EPS15L1: variants seen among roughly 807,000 people sequenced by gnomAD.
EPS15L1 encodes the protein epidermal growth factor receptor substrate 15-like 1.
Under a neutral mutation model 117.1 loss-of-function variants are expected in EPS15L1, and 43 were observed. The ratio of observed to expected loss-of-function variants is 0.37; its 90% confidence interval spans 0.29 to 0.47. EPS15L1 has a LOEUF of 0.47. EPS15L1 is among the 20% of genes least tolerant of loss of function. The probability of loss-of-function intolerance (pLI) is 0.99; values close to 1 mark genes in which losing one functional copy is unlikely to be tolerated. For missense variants in EPS15L1, 981 were observed against 1,164.0 expected (o/e 0.84, Z 2.29); for synonymous variants, 459 against 470.5 (o/e 0.98, Z 0.32).
chr19:16,418,308 G>A (rs1362974195), intron 10 of EPS15L1, among the ~76,000 whole-genome samples: 5 of 152,134 alleles, frequency 3.3e-5, no homozygotes, highest in Non-Finnish European at 7.4e-5. Flanking sequence ...CCCCACCCTA[G>A]GAGGGCTGTC....
At chr19:16,419,772 C>T (rs750565169) in intron 10 of EPS15L1, among the ~76,000 whole-genome samples, 4 of 152,226 alleles carry the variant, frequency 2.6e-5, no homozygotes, top group African/African-American at 2.4e-5. Flanking sequence ...CCCCACAGTT[C>T]GAGGCCCTGA....
At chr19:16,425,415 A>G in intron 8 of EPS15L1, 99 bp from the exon 9 acceptor site, 1 of 802,642 alleles carries the variant, frequency 1.2e-6, no homozygotes, top group Non-Finnish European at 2.1e-6. Context: ...CAGTGACAGG[A>G]CACTCTGTCA....
chr19:16,413,305 T>C (rs910074253), intron 13 of EPS15L1: 9 of 669,428 alleles, frequency 1.3e-5, no homozygotes, highest in Admixed American at 4.2e-5. Flanking sequence ...GGCACTGGCA[T>C]TGTCTCAGCA....
chr19:16,444,019 G>A (rs1424227779), intron 1 of EPS15L1, among the ~76,000 whole-genome samples: 4 of 144,870 alleles, frequency 2.8e-5, no homozygotes, highest in South Asian at 2.2e-4. Context: ...AGCCGAGATC[G>A]CGCCACTGCA....
Position 16,401,671 on chromosome 19 carries a change from A to G in EPS15L1, c.1791+650T>C, listed in dbSNP as rs73931911. The G allele has an allele frequency of 7.5e-3, 7,342 of 985,430 alleles. 428 individuals are homozygous for G. The African/African-American group carries it at 0.12, about 16-fold the overall frequency. 61.0% of individuals were successfully genotyped at this position (985,430 alleles called of 1,614,324 possible). A position where few individuals can be genotyped will look rare whatever the true frequency, so the allele number is the denominator to read the frequency against. On this transcript the variant is annotated intron_variant, in intron 16 of 23. Coordinates refer to ENST00000455140, the MANE Select transcript of EPS15L1 (RefSeq NM_001258374.3). ...AGGAAAAGGTCACACCTGTCTTGGT[A>G]TCAGGGGCTCAAGAGCTCTCAAAAA...
Position 16,418,106 on chromosome 19 carries a change from T to G in EPS15L1, c.951-2A>C. On this transcript the variant is annotated splice_acceptor_variant, in intron 10 of 23. Coordinates refer to ENST00000455140, the MANE Select transcript of EPS15L1 (RefSeq NM_001258374.3). LOFTEE classifies it high-confidence loss of function. ...GTTTGCCTCGTATCGGCCAGGGCCC[T>G]GGGAGAAACGTGGGGATGCTAATTA... The G allele has an allele frequency of 6.2e-7, 1 of 1,611,270 alleles. No homozygotes were observed.
chr19:16,433,857 G>A (rs2092952881), intron 7 of EPS15L1, among the ~76,000 whole-genome samples: 1 of 152,038 alleles, frequency 6.6e-6, no homozygotes, highest in African/African-American at 2.4e-5. Flanking sequence ...CAGCTACTTG[G>A]GAGGTTGAGG....
chr19:16,387,230 G>A (rs776053476), intron 19 of EPS15L1, among the ~76,000 whole-genome samples: 9 of 152,202 alleles, frequency 5.9e-5, no homozygotes, highest in African/African-American at 1.9e-4. Flanking sequence ...CTTCATCACC[G>A]GGGTCAGTGG....
intron 13 of EPS15L1, among the ~76,000 whole-genome samples, chr19:16,409,161 T>A (rs991946254): frequency 2.0e-5 from 3 of 152,092 alleles, no homozygotes; most frequent in African/African-American, 7.2e-5. Context: ...AGCCCAGGAT[T>A]TTGAGGCTGC....
chr19:16,465,066 G>A (rs1408726844), intron 1 of EPS15L1, among the ~76,000 whole-genome samples: 9 of 147,396 alleles, frequency 6.1e-5, no homozygotes, highest in African/African-American at 1.3e-4. Context: ...GCAACAGAGC[G>A]AGACTTAGTC....
intron 23 of EPS15L1, among the ~76,000 whole-genome samples, chr19:16,358,982 C>T (rs569455198): frequency 1.3e-5 from 2 of 152,240 alleles, no homozygotes; most frequent in Admixed American, 1.3e-4. Context: ...AAGAGGTTTC[C>T]CGGGAACAGC....
intron 22 of EPS15L1, 76 bp from the exon 23 acceptor site, chr19:16,362,060 G>C: frequency 4.2e-6 from 6 of 1,419,064 alleles, no homozygotes; most frequent in Non-Finnish European, 5.6e-6. Context: ...CAGAATGCTG[G>C]TGGGCACAAG....
intron 22 of EPS15L1, among the ~76,000 whole-genome samples, chr19:16,367,984 A>AGAGAGTGT (rs751127564): frequency 6.6e-6 from 1 of 151,292 alleles, no homozygotes; most frequent in Admixed American, 6.6e-5. Context: ...AGAGAGAGAG[A>AGAGAGTGT]GTGTGTGTGT....
At chr19:16,412,722 G>T (rs1343735670) in intron 13 of EPS15L1, 9 of 167,672 alleles carry the variant, frequency 5.4e-5, no homozygotes, top group Middle Eastern at 1.9e-3. Flanking sequence ...GTGGGGGGGG[G>T]GGGGGTGTCA....
intron 22 of EPS15L1, among the ~76,000 whole-genome samples, chr19:16,375,001 G>A (rs2092276338): frequency 6.6e-6 from 1 of 152,252 alleles, no homozygotes; most frequent in African/African-American, 2.4e-5. Flanking sequence ...CATGGAGGGT[G>A]TGCATGCCCA....
chr19:16,360,034 T>C (rs566037346), intron 23 of EPS15L1, among the ~76,000 whole-genome samples: 34 of 151,474 alleles, frequency 2.2e-4, no homozygotes, highest in Non-Finnish European at 4.0e-4. Flanking sequence ...CCAGAAATGC[T>C]AAGCCAAATG....
In EPS15L1 at chr19:16,441,814, T is replaced by G. The variant is rs923742745; in HGVS notation, c.165+78A>C. On this transcript the variant is annotated intron_variant, in intron 3 of 23. Transcript: ENST00000455140. ...AGGCCGGGCCCCATGGAAGGAGGCCTGCACAGGCTGGCCCTGACCTGCGGG... is the reference window on the plus strand; with the variant it reads ...AGGCCGGGCCCCATGGAAGGAGGCCGGCACAGGCTGGCCCTGACCTGCGGG... 9 of 1,157,672 alleles carry G rather than the reference T, an allele frequency of 7.8e-6. No homozygotes were observed. In the Admixed American group the frequency reaches 1.9e-4, roughly 25 times the overall value. The allele number at this position is 1,157,672 out of a possible 1,614,324, so 71.7% of individuals were successfully genotyped here.
chr19:16,436,416 C>A (rs894999851), intron 6 of EPS15L1, among the ~76,000 whole-genome samples: 9 of 152,278 alleles, frequency 5.9e-5, no homozygotes, highest in African/African-American at 2.2e-4. Context: ...TTTCCAGCCA[C>A]AACATCCTCT....
chr19:16,361,596 T>TA (rs34992990), intron 23 of EPS15L1, 183 bp downstream of exon 23: 13 of 1,330,056 alleles, frequency 9.8e-6, no homozygotes, highest in African/African-American at 3.0e-5. Flanking sequence ...TTTTTTTTTT[T>TA]ATTGAGAAAC....
Sources: gnomAD v4.1 joint callset for allele counts (sites outside exome capture counted in the v4.1 genomes callset) on GRCh38, gnomAD v4.1.1 for gene constraint, MANE v1.5 for transcripts, NCBI Gene and HGNC (gene_info 2026-07-23, HGNC 2026-07-21) for gene names.